NEDD4: variants seen among roughly 807,000 people sequenced by gnomAD.
NEDD4 encodes NEDD4 E3 ubiquitin protein ligase.
A neutral mutation model predicts 144.9 loss-of-function variants in NEDD4; 99 were observed. The observed-to-expected ratio is 0.68, with a 90% CI of 0.58 to 0.81. NEDD4 has a LOEUF of 0.81. NEDD4 is among the 30% of genes least tolerant of loss of function. The pLI is 0.00. For synonymous variants in NEDD4, 318 were observed against 350.6 expected (o/e 0.91, Z 1.04); for missense variants, 985 against 1,065.9 (o/e 0.92, Z 1.06).
At chr15:55,983,345 A>C (rs12915953) in intron 1 of NEDD4, among the ~76,000 whole-genome samples, 9,390 of 152,236 alleles carry the variant, frequency 0.062, 378 homozygotes, top group East Asian at 0.16. Flanking sequence ...TACTTGGTAT[A>C]CAATTCCAAA....
At position 55,869,633 on chromosome 15, in the gene NEDD4, T is replaced by C. The variant is rs752848556; in HGVS notation, c.453A>G (p.Leu151=). The C allele has an allele frequency of 1.8e-5, 29 of 1,583,008 alleles. No individual in the cohort carries two copies. In the South Asian group the frequency reaches 3.3e-4, roughly 18 times the overall value. The change falls in exon 8 of 29, where the codon TTA becomes TTG. Residue 151 remains leucine (L), a synonymous_variant. Coordinates refer to ENST00000435532, the MANE Select transcript of NEDD4 (RefSeq NM_006154.4). ...CATCTTCTGAGCCACTGGTTTTAGG[T>C]AAATAAGTCATTTTTAGTCTCAGAT... ...KGYLRLKMTY[L]PKTSGSEDDN...
intron 4 of NEDD4, among the ~76,000 whole-genome samples, chr15:55,925,788 G>C (rs1055521131): frequency 1.3e-5 from 2 of 152,002 alleles, no homozygotes. Flanking sequence ...CACGTTCCCA[G>C]GCTCATCACA....
intron 5 of NEDD4, among the ~76,000 whole-genome samples, chr15:55,888,920 C>G (rs62043804): frequency 0.14 from 21,723 of 152,090 alleles, 1,675 homozygotes; most frequent in East Asian, 0.36. Flanking sequence ...AAACTAGACT[C>G]CTATTTCTCA....
At chr15:55,984,117 C>T (rs1053446540) in intron 1 of NEDD4, among the ~76,000 whole-genome samples, 1 of 152,160 alleles carries the variant, frequency 6.6e-6, no homozygotes, top group Non-Finnish European at 1.5e-5. Context: ...AAATCAAGTA[C>T]TTCAGAGGTC....
chr15:55,955,099 G>A (rs899423434), intron 2 of NEDD4, among the ~76,000 whole-genome samples: 6 of 152,062 alleles, frequency 3.9e-5, no homozygotes, highest in East Asian at 2.0e-4. Flanking sequence ...CGGCTCACTC[G>A]AAACCTCTGC....
chr15:55,882,707 A>T (rs1231901885), intron 5 of NEDD4, among the ~76,000 whole-genome samples: 1 of 152,146 alleles, frequency 6.6e-6, no homozygotes, highest in African/African-American at 2.4e-5. Context: ...TGGTCAAGGG[A>T]GTGCGTGTGC....
chr15:55,860,358 T>C, intron 11 of NEDD4, 49 bp downstream of exon 11: 3 of 1,570,692 alleles, frequency 1.9e-6, no homozygotes, highest in Non-Finnish European at 2.6e-6. Context: ...TAGTATAATA[T>C]GCATAATATA....
intron 1 of NEDD4, among the ~76,000 whole-genome samples, chr15:55,971,595 A>T (rs1225834527): frequency 1.3e-5 from 2 of 149,086 alleles, no homozygotes; most frequent in Non-Finnish European, 3.0e-5. Context: ...ACTGCACTCC[A>T]GCCTGGGCAA....
chr15:55,850,872 C>A, intron 13 of NEDD4, 130 bp from the exon 14 acceptor site: 1 of 703,726 alleles, frequency 1.4e-6, no homozygotes, highest in Non-Finnish European at 2.1e-6. Context: ...ATATTTGAGG[C>A]TCATTTTCAA....
intron 2 of NEDD4, among the ~76,000 whole-genome samples, chr15:55,961,973 AAAGAG>A (rs1419361166): frequency 6.6e-6 from 1 of 152,210 alleles, no homozygotes; most frequent in Non-Finnish European, 1.5e-5. Context: ...TCAACTGCTG[AAAGAG>A]AAGTGTTAAT....
chr15:55,954,678 C>T (rs1176851849), intron 2 of NEDD4, among the ~76,000 whole-genome samples: 1 of 152,070 alleles, frequency 6.6e-6, no homozygotes, highest in Admixed American at 6.5e-5. Flanking sequence ...GCATGCATCA[C>T]CACACCTGGC....
chr15:55,905,245 G>T, intron 5 of NEDD4: 1 of 455,314 alleles, frequency 2.2e-6, no homozygotes, highest in Non-Finnish European at 4.4e-6. Context: ...CTTATATAAA[G>T]GAATCACCTT....
At chr15:55,909,298 C>T (rs759756445) in intron 5 of NEDD4, among the ~76,000 whole-genome samples, 11 of 152,164 alleles carry the variant, frequency 7.2e-5, no homozygotes, top group Non-Finnish European at 1.5e-4. Flanking sequence ...CCCAACAGTT[C>T]GCTTCAATCT....
chr15:55,849,007 T>G (rs2033870595), intron 14 of NEDD4, 121 bp from the exon 15 acceptor site: 2 of 742,492 alleles, frequency 2.7e-6, no homozygotes, highest in Non-Finnish European at 4.5e-6. Flanking sequence ...AAAGTCAATT[T>G]ATACTTTATT....
At position 55,923,596 on chromosome 15, in the gene NEDD4, G is replaced by C. The variant is rs548265557; in HGVS notation, c.291+1050C>G. Among the ~76,000 whole-genome samples the C allele has an allele frequency of 4.5e-4, 66 of 148,314 alleles. 1 individual carries two copies. The highest frequency in any genetic ancestry group is 6.2e-4 in the Admixed American group (9 of 14,516). On this transcript the variant is annotated intron_variant, in intron 5 of 28. Transcript: ENST00000435532. ...CTGGAGGCGGAGGTTGCAGTGAGTT[G>C]AGACTGAGCCACTGTGCTCCCACCT...
At chr15:55,864,186 A>T (rs1404651564) in intron 8 of NEDD4, among the ~76,000 whole-genome samples, 1 of 152,198 alleles carries the variant, frequency 6.6e-6, no homozygotes, top group South Asian at 2.1e-4. Flanking sequence ...TTAAATACTG[A>T]TTGGTTAGGA....
At chr15:55,870,044 G>C (rs1466812681) in intron 7 of NEDD4, among the ~76,000 whole-genome samples, 1 of 151,936 alleles carries the variant, frequency 6.6e-6, no homozygotes, top group Non-Finnish European at 1.5e-5. Flanking sequence ...TAAAGAAGAG[G>C]GCAAGATCCA....
chr15:55,955,186 T>G (rs1350505672), intron 2 of NEDD4, among the ~76,000 whole-genome samples: 1 of 151,982 alleles, frequency 6.6e-6, no homozygotes, highest in Non-Finnish European at 1.5e-5. Flanking sequence ...CATGCCTGAC[T>G]AATTGTTGTG....
intron 8 of NEDD4, 62 bp from the exon 9 acceptor site, chr15:55,863,141 T>A (rs1342933899): frequency 2.2e-6 from 3 of 1,354,582 alleles, no homozygotes; most frequent in African/African-American, 3.0e-5. Context: ...CTAAATTATA[T>A]GCTAAAGGAA....
Sources: allele counts gnomAD v4.1 joint callset (sites outside exome capture counted in the v4.1 genomes callset), GRCh38; gene constraint gnomAD v4.1.1; transcripts MANE v1.5; gene names NCBI Gene and HGNC (gene_info 2026-07-23, HGNC 2026-07-21).